Variants in FIBCD1 observed in about 807,000 individuals in gnomAD.
The protein encoded by FIBCD1 is fibrinogen C domain-containing protein 1.
In FIBCD1, 47 loss-of-function variants were observed where a neutral mutation model predicts 45.1. The ratio of observed to expected loss-of-function variants is 1.04; its 90% CI spans 0.82 to 1.33. FIBCD1 has a LOEUF of 1.33. Ranked by LOEUF, FIBCD1 falls within the 40% of genes most tolerant of loss-of-function variation. The pLI is 0.00. For missense variants in FIBCD1, 653 were observed against 682.2 expected (o/e 0.96, Z 0.48); for synonymous variants, 313 against 308.1 (o/e 1.02, Z -0.17).
Position 130,929,914 on chromosome 9 carries a change from T to C in FIBCD1, c.205A>G (p.Ser69Gly). ...CTGTTGGCGCTGGCAGCCCCAGTGC[T>C]GACGACAGGTGGGGGCGCCGTGCCC... ...APGTAPPPVVSTGAASANSAL... is the reference protein window; with the variant it reads ...APGTAPPPVVGTGAASANSAL... The change falls in exon 2 of 7, where the codon AGC (serine) becomes GGC (glycine). Residue 69 changes from serine (S) to glycine (G), a missense_variant. By Grantham distance (56) the Ser-to-Gly change is moderately conservative. Coordinates refer to ENST00000372338, the MANE Select transcript of FIBCD1 (RefSeq NM_032843.5). 6.5e-7 allele frequency: 1 copy of C among 1,549,200 alleles called. No individual in the cohort carries two copies. Among genetic ancestry groups the C allele is most frequent in the South Asian group, 1.2e-5 (1 of 83,968 alleles).
Position 130,903,953 on chromosome 9 carries a change from G to A in FIBCD1, c.*111C>T, listed in dbSNP as rs1460122779. The stretch of plus-strand genomic sequence containing the variant: ...AGGGATGGCCCGGCCCCTCCCTACT[G>A]GAGAGTGGGTCCGCCAGGCACAGGT... On this transcript the variant is annotated 3_prime_UTR_variant, in exon 7 of 7. Coordinates refer to ENST00000372338, the MANE Select transcript of FIBCD1 (RefSeq NM_032843.5). 1 of 1,438,272 alleles carries A rather than the reference G, an allele frequency of 7.0e-7. No individual in the cohort carries two copies. Among genetic ancestry groups the A allele is most frequent in the Non-Finnish European group, 9.6e-7 (1 of 1,045,036 alleles). The allele number at this position is 1,438,272 out of a possible 1,614,324, so 89.1% of individuals were successfully genotyped here.
intron 2 of FIBCD1, among the ~76,000 whole-genome samples, chr9:130,925,710 T>C (rs1832346728): frequency 6.6e-6 from 1 of 151,832 alleles, no homozygotes. Context: ...GCCTGAAGGG[T>C]CTGAGGTCTC....
At chr9:130,919,104 C>T (rs10124765) in intron 4 of FIBCD1, among the ~76,000 whole-genome samples, 83,557 of 152,114 alleles carry the variant, frequency 0.55, 25,435 homozygotes, top group African/African-American at 0.81. Context: ...GCCAAGCTGC[C>T]GTTTCTCGGG....
At chr9:130,924,502 T>C in intron 2 of FIBCD1, 106 bp from the exon 3 acceptor site, 2 of 1,142,392 alleles carry the variant, frequency 1.8e-6, no homozygotes, top group Non-Finnish European at 2.4e-6. Flanking sequence ...GAGGCAGAGG[T>C]GGGCTTCTGG....
At chr9:130,930,602 G>T (rs528233741) in intron 1 of FIBCD1, among the ~76,000 whole-genome samples, 5 of 152,056 alleles carry the variant, frequency 3.3e-5, no homozygotes, top group Admixed American at 3.3e-4. Flanking sequence ...CCTGCACAGT[G>T]ACAGCCCAGG....
intron 5 of FIBCD1, among the ~76,000 whole-genome samples, chr9:130,909,014 C>T (rs755347068): frequency 3.0e-4 from 46 of 152,072 alleles, no homozygotes; most frequent in Non-Finnish European, 6.2e-4. Flanking sequence ...CTCCTGACCC[C>T]GGCTGGTGCC....
At chr9:130,930,435 T>TGGGGAGCCGC (rs1832431744) in intron 1 of FIBCD1, among the ~76,000 whole-genome samples, 1 of 142,990 alleles carries the variant, frequency 7.0e-6, no homozygotes, top group African/African-American at 2.7e-5. Flanking sequence ...CGGGGAGACA[T>TGGGGAGCCGC]GGGGAGATGC....
intron 2 of FIBCD1, among the ~76,000 whole-genome samples, chr9:130,927,604 G>GGACT (rs1274495381): frequency 6.6e-6 from 1 of 152,196 alleles, no homozygotes; most frequent in Non-Finnish European, 1.5e-5. Context: ...CAGGCCTCAG[G>GGACT]GACTACACAT....
At chr9:130,913,828 C>T (rs10901303) in intron 4 of FIBCD1, among the ~76,000 whole-genome samples, 80,998 of 152,016 alleles carry the variant, frequency 0.53, 23,713 homozygotes, top group African/African-American at 0.78. Flanking sequence ...CCGGCAGGCC[C>T]GAAGCCCCCT....
At chr9:130,936,610 A>G (rs1405155223) in intron 1 of FIBCD1, among the ~76,000 whole-genome samples, 1 of 152,236 alleles carries the variant, frequency 6.6e-6, no homozygotes, top group Non-Finnish European at 1.5e-5. Flanking sequence ...CATTTCAAAC[A>G]CATTCCCCAG....
intron 1 of FIBCD1, 83 bp downstream of exon 1, chr9:130,938,453 C>A (rs1433860377): frequency 1.6e-6 from 2 of 1,236,450 alleles, no homozygotes; most frequent in Non-Finnish European, 1.1e-6. Context: ...CTCCAGCCCC[C>A]GCAATGGGTG....
intron 5 of FIBCD1, among the ~76,000 whole-genome samples, chr9:130,908,770 C>T (rs529649467): frequency 1.2e-4 from 19 of 152,126 alleles, no homozygotes; most frequent in East Asian, 3.9e-4. Flanking sequence ...GAAGTCCACA[C>T]GGGGTGTGAC....
intron 3 of FIBCD1, 146 bp downstream of exon 3, chr9:130,924,091 A>AG: frequency 7.8e-7 from 1 of 1,274,444 alleles, no homozygotes. Context: ...CATCTGGAGA[A>AG]TGGACCGAGA....
chr9:130,905,470 A>G, intron 5 of FIBCD1, 57 bp from the exon 6 acceptor site: 1 of 1,523,448 alleles, frequency 6.6e-7, no homozygotes, highest in Non-Finnish European at 8.9e-7. Context: ...GCGACTCCCC[A>G]GGGAGAAATG....
At chr9:130,930,838 A>G in intron 1 of FIBCD1, 1 of 456,014 alleles carries the variant, frequency 2.2e-6, no homozygotes, top group South Asian at 1.5e-5. Flanking sequence ...CTCTCTATAC[A>G]CTGGTCAGAG....
rs189929292 is a variant in FIBCD1, at chr9:130,912,325, G to A, written c.850-437C>T. On this transcript the variant is annotated intron_variant, in intron 4 of 6. Transcript: ENST00000372338. ...AGAGGCTGAGGCAGAAGGATCCCTT[G>A]AGCCCGGGAGGTTAAAGCTGCAGTG... Among the ~76,000 whole-genome samples the A allele has an allele frequency of 6.5e-3, 961 of 148,986 alleles. 6 individuals are homozygous for A. The highest frequency in any genetic ancestry group is 0.012 in the Non-Finnish European group (780 of 67,728).
At chr9:130,911,305 G>A (rs997182924) in intron 5 of FIBCD1, among the ~76,000 whole-genome samples, 1 of 128,646 alleles carries the variant, frequency 7.8e-6, no homozygotes, top group Non-Finnish European at 1.6e-5. Flanking sequence ...ACGAGGGTCT[G>A]CAGCTTCATT....
chr9:130,912,704 GAAA>G (rs10538277), intron 4 of FIBCD1, among the ~76,000 whole-genome samples: 7 of 141,942 alleles, frequency 4.9e-5, no homozygotes, highest in Admixed American at 1.4e-4. Context: ...AAAACTGTCT[GAAA>G]AAAAAAAAAG....
At chr9:130,909,560 G>A (rs1357377200) in intron 5 of FIBCD1, among the ~76,000 whole-genome samples, 1 of 152,078 alleles carries the variant, frequency 6.6e-6, no homozygotes, top group Non-Finnish European at 1.5e-5. Flanking sequence ...CTTCCACACA[G>A]GGAATTTTGT....
Sources: gnomAD v4.1 joint callset for allele counts (sites outside exome capture counted in the v4.1 genomes callset) on GRCh38, gnomAD v4.1.1 for gene constraint, MANE v1.5 for transcripts, NCBI Gene and HGNC (gene_info 2026-07-23, HGNC 2026-07-21) for gene names.